COPB1: variants seen among roughly 807,000 people sequenced by gnomAD.
COPB1 encodes coatomer subunit beta.
In COPB1, 21 loss-of-function variants were observed where a neutral mutation model predicts 108.7. The observed-to-expected ratio is 0.19, with a 90% CI of 0.14 to 0.28. The LOEUF (loss-of-function observed/expected upper bound fraction) is 0.28. COPB1 is among the 10% of genes least tolerant of loss of function. The probability of loss-of-function intolerance (pLI) is 1.00; values close to 1 mark genes in which losing one functional copy is unlikely to be tolerated. For missense variants in COPB1, 919 were observed against 1,141.3 expected (o/e 0.81, Z 2.81); for synonymous variants, 378 against 386.8 (o/e 0.98, Z 0.27).
At chr11:14,483,011 T>A in intron 8 of COPB1, 21 bp downstream of exon 8, 3 of 1,521,694 alleles carry the variant, frequency 2.0e-6, no homozygotes, top group Non-Finnish European at 1.8e-6. Flanking sequence ...TTAGGATCTC[T>A]CTTTTTCAGA....
At chr11:14,482,378 T>C (rs1850679099) in intron 8 of COPB1, among the ~76,000 whole-genome samples, 1 of 152,226 alleles carries the variant, frequency 6.6e-6, no homozygotes, top group Non-Finnish European at 1.5e-5. Flanking sequence ...GTGATAATTT[T>C]CTAGAATCAG....
Position 14,479,687 on chromosome 11 carries a change from C to T in COPB1, c.1240G>A (p.Glu414Lys). 8 of 1,589,018 alleles carry T rather than the reference C, an allele frequency of 5.0e-6. No individual in the cohort carries two copies. The highest frequency in any genetic ancestry group is 2.3e-5 in the South Asian group (2 of 85,652). ...TCCAAGACATCAGCAGCTGCTGCTT[C>T]GTTGTTGTCACTGAGAAATTCCATT... is the stretch of plus-strand genomic sequence containing the variant. ...VLMEFLSDNNEAAAADVLEFV... is the reference protein window; with the variant it reads ...VLMEFLSDNNKAAAADVLEFV... Residue 414 changes from glutamate to lysine, a missense_variant, in exon 11 of 22, where the codon GAA becomes AAA. Physicochemically the swap from Glu to Lys is moderately conservative, Grantham distance 56. This residue lies in a region of COPB1 where 705 missense variants were observed against 817.8 expected (regional missense o/e 0.86). Coordinates refer to ENST00000439561, the MANE Select transcript of COPB1 (RefSeq NM_001144061.2).
chr11:14,467,813 CA>C (rs1234013636), intron 16 of COPB1, among the ~76,000 whole-genome samples: 1 of 152,086 alleles, frequency 6.6e-6, no homozygotes, highest in Non-Finnish European at 1.5e-5. Context: ...TGTATTGTTC[CA>C]CTTCTGTGAG....
chr11:14,483,332 G>A (rs1850704525), intron 7 of COPB1, among the ~76,000 whole-genome samples, 181 bp from the exon 8 acceptor site: 1 of 151,740 alleles, frequency 6.6e-6, no homozygotes. Context: ...TTTGTTCTGA[G>A]GAATGGGTTC....
At chr11:14,459,434 A>G (rs1016085562) in intron 20 of COPB1, among the ~76,000 whole-genome samples, 1 of 152,156 alleles carries the variant, frequency 6.6e-6, no homozygotes, top group East Asian at 1.9e-4. Context: ...ACATAAAGAA[A>G]AAAGTTCCTT....
intron 18 of COPB1, among the ~76,000 whole-genome samples, chr11:14,463,173 T>C (rs1247426211): frequency 6.6e-6 from 1 of 152,218 alleles, no homozygotes; most frequent in Non-Finnish European, 1.5e-5. Flanking sequence ...TTGTAGGCTC[T>C]TTCTCCTTTG....
In COPB1 at chr11:14,475,833, G is replaced by A; in HGVS notation, c.1568C>T (p.Thr523Ile). 1 of 1,613,594 alleles carries A rather than the reference G, an allele frequency of 6.2e-7. No individual in the cohort carries two copies. The highest frequency in any genetic ancestry group is 8.5e-7 in the Non-Finnish European group (1 of 1,179,810). ...TCTAGAACTGCTAAGGGCACTCTGA[G>A]TTGCATAGGTACCCATTTCAGTAAC... is the stretch of plus-strand genomic sequence containing the variant. ...KLVTEMGTYA[T>I]QSALSSSRPT... The change falls in exon 13 of 22, where the codon ACT becomes ATT. Residue 523 changes from threonine to isoleucine, a missense_variant. By Grantham distance (89) the Thr-to-Ile change is moderately conservative (BLOSUM62 -1). This residue lies in a region of COPB1 where 705 missense variants were observed against 817.8 expected (regional missense o/e 0.86). Transcript: ENST00000439561.
chr11:14,468,408 C>T (rs1457835896), intron 16 of COPB1, among the ~76,000 whole-genome samples: 1 of 152,178 alleles, frequency 6.6e-6, no homozygotes, highest in East Asian at 1.9e-4. Flanking sequence ...TTAAAAACCT[C>T]AGCTAACCTT....
In COPB1 at chr11:14,483,307, T is replaced by TTATA. The variant is rs1372010273; in HGVS notation, c.838-160_838-157dup. Among the ~76,000 whole-genome samples, 4 of 151,722 alleles carry TTATA rather than the reference T, an allele frequency of 2.6e-5. No individual in the cohort carries two copies. The East Asian group carries it at 7.7e-4, about 29-fold the overall frequency. On this transcript the variant is annotated intron_variant, in intron 7 of 21. Coordinates refer to ENST00000439561, the MANE Select transcript of COPB1 (RefSeq NM_001144061.2). ...CATTAATTAATCCCTGTACTAGAGT[T>TTATA]TATATATTATACATTTTGTTCTGAG...
chr11:14,469,313 T>C, intron 15 of COPB1, 23 bp downstream of exon 15: 1 of 1,583,634 alleles, frequency 6.3e-7, no homozygotes, highest in Non-Finnish European at 8.7e-7. Context: ...AACACTTTTG[T>C]TGCCTCATCA....
rs750155761 is a variant in COPB1, at chr11:14,494,341, G to A, written c.190C>T (p.Arg64Cys). The change falls in exon 3 of 22, where the codon CGT becomes TGT. Residue 64 changes from arginine (R) to cysteine (C), a missense_variant. This residue lies in a region of COPB1 where 92 missense variants were observed against 108.4 expected (regional missense o/e 0.85). Transcript: ENST00000439561. Reference sequence around the variant, plus strand: ...TGATCCTGAAGAGGTAGCACAAAACGAATGATGGTCATCAGAAGTCCAGGA... The same window carrying A: ...TGATCCTGAAGAGGTAGCACAAAACAAATGATGGTCATCAGAAGTCCAGGA... ...KLPGLLMTII[R>C]FVLPLQDHTI... 36 of 1,613,188 alleles carry A rather than the reference G, an allele frequency of 2.2e-5. No homozygotes were observed. The highest frequency in any genetic ancestry group is 2.8e-5 in the Non-Finnish European group (33 of 1,179,472).
chr11:14,480,912 G>A lies in COPB1; in HGVS notation c.1066-7C>T, dbSNP rs756157261. On this transcript the variant is annotated splice_region_variant and splice_polypyrimidine_tract_variant and intron_variant, in intron 9 of 21. Transcript: ENST00000439561. ...TCTTCAGGACAATAACCAGCTTATAGAATGAAGTAAAAATAAGTGAGAGTT... is the reference window on the plus strand; with the variant it reads ...TCTTCAGGACAATAACCAGCTTATAAAATGAAGTAAAAATAAGTGAGAGTT... 2 of 1,613,528 alleles carry A rather than the reference G, an allele frequency of 1.2e-6. No homozygotes were observed. Among genetic ancestry groups the A allele is most frequent in the South Asian group, 2.2e-5 (2 of 91,026 alleles).
chr11:14,483,216 T>A, intron 7 of COPB1, 65 bp from the exon 8 acceptor site: 1 of 1,110,936 alleles, frequency 9.0e-7, no homozygotes, highest in Non-Finnish European at 1.2e-6. Context: ...AAAATAAGCA[T>A]GCGCGCGCAC....
chr11:14,462,616 A>T (rs1269596907), intron 18 of COPB1, among the ~76,000 whole-genome samples: 1 of 152,074 alleles, frequency 6.6e-6, no homozygotes, highest in African/African-American at 2.4e-5. Context: ...TTTAATTTTC[A>T]GCTCCACATC....
At position 14,470,995 on chromosome 11, in the gene COPB1, C is replaced by T. The variant is rs139100034; in HGVS notation, c.1738-1432G>A. 1.8e-3 allele frequency among the ~76,000 whole-genome samples: 271 copies of T among 151,054 alleles called. 2 individuals are homozygous for T. The highest frequency in any genetic ancestry group is 6.3e-3 in the African/African-American group (256 of 40,950). The stretch of plus-strand genomic sequence containing the variant: ...GATAAGAATGACAGTAGACTTCTCA[C>T]CAAAAAGCCAGAAGACAATGGAGCT... On this transcript the variant is annotated intron_variant, in intron 14 of 21. Coordinates refer to ENST00000439561, the MANE Select transcript of COPB1 (RefSeq NM_001144061.2).
intron 8 of COPB1, among the ~76,000 whole-genome samples, chr11:14,482,555 G>A (rs985828040): frequency 3.3e-5 from 5 of 149,952 alleles, no homozygotes; most frequent in African/African-American, 1.2e-4. Flanking sequence ...TTTTTTTTGA[G>A]ACAGAGTCTC....
rs1055115593 is a variant in COPB1, at chr11:14,499,722, G to C, written c.-73C>G. On this transcript the variant is annotated 5_prime_UTR_variant, in exon 1 of 22. Coordinates refer to ENST00000439561, the MANE Select transcript of COPB1 (RefSeq NM_001144061.2). ...CCCGACCCACCACGCCTCTGGGACT[G>C]GGGGCTTGTGGCCCACTACCAGGCT... 2 of 152,302 alleles carry C rather than the reference G, an allele frequency of 1.3e-5. No homozygotes were observed. Among genetic ancestry groups the C allele is most frequent in the African/African-American group, 4.8e-5 (2 of 41,432 alleles). The allele number at this position is 152,302 out of a possible 1,614,324, so 9.4% of individuals were successfully genotyped here. A position where few individuals can be genotyped will look rare whatever the true frequency, so the allele number is the denominator to read the frequency against.
chr11:14,484,460 C>T (rs1850726863), intron 7 of COPB1, among the ~76,000 whole-genome samples: 1 of 152,176 alleles, frequency 6.6e-6, no homozygotes, highest in Non-Finnish European at 1.5e-5. Flanking sequence ...TGGCTCATGC[C>T]TATAATCCCA....
intron 2 of COPB1, among the ~76,000 whole-genome samples, chr11:14,495,541 T>A (rs780355959): frequency 2.0e-5 from 3 of 152,178 alleles, no homozygotes; most frequent in Non-Finnish European, 4.4e-5. Context: ...TTTTTGTATT[T>A]TTACTAGAGA....
Sources: allele counts gnomAD v4.1 joint callset (sites outside exome capture counted in the v4.1 genomes callset), GRCh38; gene constraint gnomAD v4.1.1; regional missense constraint gnomAD v4.1.1; transcripts MANE v1.5; gene names NCBI Gene and HGNC (gene_info 2026-07-23, HGNC 2026-07-21).